Variants in ADAMTSL1 observed in about 807,000 individuals in gnomAD.
ADAMTSL1 encodes the protein ADAMTS like 1.
ADAMTSL1 carries 126 observed loss-of-function variants against 201.8 expected under a neutral mutation model. That is an observed-to-expected ratio of 0.62 (90% CI 0.54 to 0.72). The LOEUF (loss-of-function observed/expected upper bound fraction) is 0.72. ADAMTSL1 is among the 30% of genes least tolerant of loss of function. ADAMTSL1 has a pLI of 0.00. For missense variants in ADAMTSL1, 2,679 were observed against 2,277.8 expected (o/e 1.18, Z -3.59); for synonymous variants, 1,121 against 903.4 (o/e 1.24, Z -4.32).
rs116390833 is a variant in ADAMTSL1, at chr9:18,503,581, C to T, written c.64-1248C>T. Among the ~76,000 whole-genome samples the T allele has an allele frequency of 7.9e-3, 1,197 of 151,996 alleles. 16 individuals carry two copies. The highest frequency in any genetic ancestry group is 0.027 in the African/African-American group (1,133 of 41,468). Reference sequence around the variant, plus strand: ...GTTGTAGTATCTTTATTATCTCCATCTTATGATAAGAAAACTAAAGCATAT... The same window carrying T: ...GTTGTAGTATCTTTATTATCTCCATTTTATGATAAGAAAACTAAAGCATAT... On this transcript the variant is annotated intron_variant, in intron 1 of 28. Coordinates refer to ENST00000380548, the MANE Select transcript of ADAMTSL1 (RefSeq NM_001040272.6).
chr9:18,775,735 TCC>T lies in ADAMTSL1; in HGVS notation c.2398-7_2398-6del. 6.2e-7 allele frequency: 1 copy of T among 1,611,974 alleles called. No homozygotes were observed. Among genetic ancestry groups the T allele is most frequent in the South Asian group, 1.1e-5 (1 of 90,326 alleles). On this transcript the variant is annotated splice_region_variant and splice_polypyrimidine_tract_variant and intron_variant, in intron 17 of 28. Transcript: ENST00000380548. ...TTTATGTGCATTTGGCCTTTCTTTC[TCC>T]ACCAGTGTTCCACAAGCTGCGGGGA...
intron 1 of ADAMTSL1, among the ~76,000 whole-genome samples, chr9:18,162,788 A>G (rs1247168645): frequency 6.6e-6 from 1 of 152,012 alleles, no homozygotes. Context: ...AGACAATGTG[A>G]TATACCGTGT....
chr9:18,642,731 G>A (rs911704132), intron 7 of ADAMTSL1, among the ~76,000 whole-genome samples: 1 of 151,822 alleles, frequency 6.6e-6, no homozygotes, highest in Non-Finnish European at 1.5e-5. Context: ...ATGTTCTCCA[G>A]GTTCATCCAC....
Position 18,533,264 on chromosome 9 carries a change from A to G in ADAMTSL1, c.209A>G (p.Asn70Ser), listed in dbSNP as rs767090223. ...CLSSKSCEGR[N>S]IRYRTCSNVD... Reference sequence around the variant, plus strand: ...CAACTTAGGAGCTGTGAAGGAAGAAATATCCGATACAGAACATGCAGTAAT... The same window carrying G: ...CAACTTAGGAGCTGTGAAGGAAGAAGTATCCGATACAGAACATGCAGTAAT... Residue 70 changes from asparagine (N) to serine (S), a missense_variant, in exon 3 of 29, where the codon AAT becomes AGT. Asn to Ser is a conservative substitution (Grantham distance 46, BLOSUM62 1). Transcript: ENST00000380548. 4.4e-6 allele frequency: 7 copies of G among 1,607,140 alleles called. No individual in the cohort carries two copies. In the East Asian group the frequency reaches 1.3e-4, roughly 31 times the overall value.
intron 2 of ADAMTSL1, among the ~76,000 whole-genome samples, chr9:18,213,142 T>C (rs1829938287): frequency 1.3e-5 from 2 of 152,140 alleles, no homozygotes; most frequent in Admixed American, 1.3e-4. Flanking sequence ...AGAAAGAAAC[T>C]GTAAGCTACA....
At chr9:18,455,658 T>A (rs1820573650) in intron 2 of ADAMTSL1, among the ~76,000 whole-genome samples, 1 of 152,162 alleles carries the variant, frequency 6.6e-6, no homozygotes, top group Non-Finnish European at 1.5e-5. Flanking sequence ...CTTCAGCTGA[T>A]CTAAACAGAT....
intron 1 of ADAMTSL1, among the ~76,000 whole-genome samples, chr9:18,494,976 A>T (rs1587371438): frequency 6.6e-6 from 1 of 152,210 alleles, no homozygotes; most frequent in African/African-American, 2.4e-5. Context: ...GAGAGGCTGG[A>T]GGTCAAAAAC....
At chr9:18,044,931 G>C (rs1426520357) in intron 1 of ADAMTSL1, among the ~76,000 whole-genome samples, 1 of 152,036 alleles carries the variant, frequency 6.6e-6, no homozygotes, top group Non-Finnish European at 1.5e-5. Context: ...ATTATTAATT[G>C]GAAGGACTCT....
intron 2 of ADAMTSL1, among the ~76,000 whole-genome samples, chr9:18,332,241 CAT>C (rs1360010648): frequency 6.6e-6 from 1 of 152,138 alleles, no homozygotes; most frequent in East Asian, 1.9e-4. Context: ...TAGATGTAAA[CAT>C]ACACTTTATG....
intron 4 of ADAMTSL1, among the ~76,000 whole-genome samples, chr9:18,597,525 T>C (rs142261505): frequency 0.011 from 1,714 of 152,338 alleles, 34 homozygotes; most frequent in African/African-American, 0.039. Flanking sequence ...ACCTTGTCCT[T>C]GGCTTTTTGT....
In ADAMTSL1 at chr9:18,829,967, T is replaced by G; in HGVS notation, c.4239T>G (p.Ser1413=). 1 of 1,610,836 alleles carries G rather than the reference T, an allele frequency of 6.2e-7. No homozygotes were observed. The highest frequency in any genetic ancestry group is 8.5e-7 in the Non-Finnish European group (1 of 1,178,586). Residue 1413 remains serine (S), a synonymous_variant, in exon 23 of 29, where the codon TCT becomes TCG. Coordinates refer to ENST00000380548, the MANE Select transcript of ADAMTSL1 (RefSeq NM_001040272.6). Reference sequence around the variant, plus strand: ...AGCTGGTCCTGGATCCTGGGAATTCTGCTCTCCTTGGTGAGTCTAACCCTC... The same window carrying G: ...AGCTGGTCCTGGATCCTGGGAATTCGGCTCTCCTTGGTGAGTCTAACCCTC... The part of the protein sequence containing the change: ...GTQLVLDPGN[S]ALLGCPIKGH...
intron 1 of ADAMTSL1, among the ~76,000 whole-genome samples, chr9:18,109,359 G>A (rs1824902599): frequency 6.6e-6 from 1 of 152,122 alleles, no homozygotes; most frequent in Non-Finnish European, 1.5e-5. Flanking sequence ...GGAAGAGTTT[G>A]GAGCCTGCAC....
intron 24 of ADAMTSL1, among the ~76,000 whole-genome samples, chr9:18,889,176 G>C (rs978316798): frequency 3.3e-5 from 5 of 152,140 alleles, no homozygotes; most frequent in Non-Finnish European, 5.9e-5. Flanking sequence ...TATCTTTGTA[G>C]AAAACAAAGT....
chr9:18,316,506 C>T (rs565160756), intron 2 of ADAMTSL1, among the ~76,000 whole-genome samples: 6 of 152,182 alleles, frequency 3.9e-5, no homozygotes, highest in Admixed American at 2.6e-4. Flanking sequence ...AAGAATTCAG[C>T]GATGTTTCTC....
intron 2 of ADAMTSL1, among the ~76,000 whole-genome samples, chr9:18,335,190 A>G (rs1835182155): frequency 6.6e-6 from 1 of 152,184 alleles, no homozygotes; most frequent in African/African-American, 2.4e-5. Flanking sequence ...AAAACAGGCA[A>G]CATATTTACA....
At chr9:18,121,903 C>A (rs1229024192) in intron 1 of ADAMTSL1, among the ~76,000 whole-genome samples, 1 of 152,110 alleles carries the variant, frequency 6.6e-6, no homozygotes, top group Admixed American at 6.6e-5. Flanking sequence ...CAAAAGATCC[C>A]TTGTACCAAT....
intron 2 of ADAMTSL1, among the ~76,000 whole-genome samples, chr9:18,211,959 G>A (rs1829888578): frequency 6.6e-6 from 1 of 152,192 alleles, no homozygotes; most frequent in African/African-American, 2.4e-5. Flanking sequence ...TCTGCAGGAA[G>A]TGCATTTTGA....
At chr9:18,744,127 T>G (rs1818997626) in intron 15 of ADAMTSL1, among the ~76,000 whole-genome samples, 1 of 152,228 alleles carries the variant, frequency 6.6e-6, no homozygotes, top group South Asian at 2.1e-4. Flanking sequence ...TAAACAGTCT[T>G]TGGGAAGTGC....
intron 2 of ADAMTSL1, among the ~76,000 whole-genome samples, chr9:18,336,471 CTG>C (rs1835247474): frequency 6.6e-6 from 1 of 152,018 alleles, no homozygotes. Context: ...GAAAGTAAAA[CTG>C]TGAGAGAAAA....
Sources: gnomAD v4.1 joint callset for allele counts (sites outside exome capture counted in the v4.1 genomes callset) on GRCh38, gnomAD v4.1.1 for gene constraint, MANE v1.5 for transcripts, NCBI Gene and HGNC (gene_info 2026-07-23, HGNC 2026-07-21) for gene names.